WNT9A: variants seen among roughly 807,000 people sequenced by gnomAD.
WNT9A encodes protein Wnt-9a.
A neutral mutation model predicts 31.4 loss-of-function variants in WNT9A; 8 were observed. The observed-to-expected ratio is 0.26, with a 90% CI of 0.15 to 0.46. The LOEUF (loss-of-function observed/expected upper bound fraction) is 0.46, where lower values mean the gene tolerates loss of function less well. WNT9A is among the 20% of genes least tolerant of loss of function. WNT9A has a pLI of 0.99. For missense variants in WNT9A, 457 were observed against 522.9 expected, an observed-to-expected ratio of 0.87 and a Z score of 1.23; for synonymous variants, 236 against 220.1, an observed-to-expected ratio of 1.07 and a Z score of -0.64.
intron 1 of WNT9A, among the ~76,000 whole-genome samples, chr1:227,936,860 G>C (rs553620689): frequency 2.0e-5 from 3 of 152,216 alleles, no homozygotes; most frequent in East Asian, 1.9e-4. Flanking sequence ...GAAGACACTG[G>C]GCTTCTGGAA....
chr1:227,932,347 T>C (rs187122919), intron 1 of WNT9A, among the ~76,000 whole-genome samples: 100 of 152,316 alleles, frequency 6.6e-4, no homozygotes, highest in African/African-American at 2.2e-3. Flanking sequence ...CTGCAGCAAT[T>C]CGGTCCCATT....
Position 227,924,262 on chromosome 1 carries a change from T to C in WNT9A, c.491A>G (p.Gln164Arg), listed in dbSNP as rs1666377434. Residue 164 changes from glutamine to arginine, a missense_variant, in exon 3 of 4, where the codon CAG (glutamine) becomes CGG (arginine). Gln to Arg is a conservative substitution (Grantham distance 43). Transcript: ENST00000272164. ...APDLENREAW[Q>R]WGGCGDNLKY... ...AAGGTTGTCTCCGCAGCCCCCCCAC[T>C]GCCAGGCCTCACGGTTCTCCAGGTC... 1 of 1,613,834 alleles carries C rather than the reference T, an allele frequency of 6.2e-7. No individual in the cohort carries two copies.
Position 227,920,965 on chromosome 1 carries a change from C to T in WNT9A, c.*553G>A, listed in dbSNP as rs747645132. The T allele has an allele frequency of 6.5e-6, 1 of 153,072 alleles. No individual in the cohort carries two copies. Among genetic ancestry groups the T allele is most frequent in the Non-Finnish European group, 1.5e-5 (1 of 68,730 alleles). The allele number at this position is 153,072 out of a possible 1,614,324, so 9.5% of individuals were successfully genotyped here. ...AGCCAACCCAGAGGACCCCCGGCAC[C>T]CTGCTCCAGCTGTACGCCCCGACGT... On this transcript the variant is annotated 3_prime_UTR_variant, in exon 4 of 4. Transcript: ENST00000272164.
chr1:227,925,561 C>T lies in WNT9A; in HGVS notation c.96-42G>A, dbSNP rs1666408124. The T allele has an allele frequency of 1.4e-6, 2 of 1,459,432 alleles. No homozygotes were observed. The highest frequency in any genetic ancestry group is 2.4e-5 in the Admixed American group (1 of 41,930). 90.4% of individuals were successfully genotyped at this position (1,459,432 alleles called of 1,614,324 possible). The stretch of plus-strand genomic sequence containing the variant: ...CAGCATGAGCCCGGCCCCAGGAAGC[C>T]CTGCTGGAGCCTGGCCAGGTGTCTC... On this transcript the variant is annotated intron_variant, in intron 1 of 3. Coordinates refer to ENST00000272164, the MANE Select transcript of WNT9A (RefSeq NM_003395.4). The surrounding 1 kb of genome is among the most constrained non-coding windows in gnomAD (Gnocchi z 6.0).
At chr1:227,934,975 CAT>C (rs2102725415) in intron 1 of WNT9A, among the ~76,000 whole-genome samples, 1 of 150,690 alleles carries the variant, frequency 6.6e-6, no homozygotes, top group East Asian at 2.0e-4. Flanking sequence ...CAGTTCACCA[CAT>C]AGAGCCTGAG....
At chr1:227,943,334 G>A (rs1666744976) in intron 1 of WNT9A, among the ~76,000 whole-genome samples, 1 of 152,216 alleles carries the variant, frequency 6.6e-6, no homozygotes, top group South Asian at 2.1e-4. Context: ...CAGGTCTAGA[G>A]ACAAGGTTCT....
intron 1 of WNT9A, among the ~76,000 whole-genome samples, chr1:227,931,604 AG>A (rs1401224492): frequency 6.6e-6 from 1 of 152,254 alleles, no homozygotes; most frequent in Non-Finnish European, 1.5e-5. Flanking sequence ...AATAAAGAAA[AG>A]GTCAGAAAAA....
intron 1 of WNT9A, among the ~76,000 whole-genome samples, chr1:227,935,471 CCTT>C (rs1024687416): frequency 3.4e-4 from 52 of 152,334 alleles, no homozygotes; most frequent in African/African-American, 1.2e-3. Flanking sequence ...GCCCTCTCCT[CCTT>C]CTTCTCTCGA....
intron 1 of WNT9A, among the ~76,000 whole-genome samples, chr1:227,945,836 T>C (rs1666785899): frequency 6.6e-6 from 1 of 151,950 alleles, no homozygotes; most frequent in Admixed American, 6.6e-5. Flanking sequence ...CCTTGGGAAC[T>C]GACTTACAGG....
Position 227,921,106 on chromosome 1 carries a change from CT to C in WNT9A, c.*411del. 4.7e-6 allele frequency: 1 copy of C among 212,680 alleles called. No homozygotes were observed. The highest frequency in any genetic ancestry group is 9.5e-6 in the Non-Finnish European group (1 of 105,208). 13.2% of individuals were successfully genotyped at this position (212,680 alleles called of 1,614,324 possible). On this transcript the variant is annotated 3_prime_UTR_variant, in exon 4 of 4. Coordinates refer to ENST00000272164, the MANE Select transcript of WNT9A (RefSeq NM_003395.4). ...GGACTCGTCCCTTGCAGGTGTAGAC[CT>C]TCTCACACCATGTGCAATGCCTGCA...
chr1:227,924,103 C>CCT, intron 3 of WNT9A, 35 bp downstream of exon 3: 1 of 1,319,834 alleles, frequency 7.6e-7, no homozygotes. Context: ...CTTTCTGACC[C>CCT]TCCCTTCCCA....
At chr1:227,943,215 A>T (rs1666736404) in intron 1 of WNT9A, among the ~76,000 whole-genome samples, 1 of 152,114 alleles carries the variant, frequency 6.6e-6, no homozygotes, top group Non-Finnish European at 1.5e-5. Context: ...GAACTGCCCC[A>T]CACCAGGCTC....
chr1:227,925,554 A>C lies in WNT9A; in HGVS notation c.96-35T>G. 1 of 1,469,878 alleles carries C rather than the reference A, an allele frequency of 6.8e-7. No individual in the cohort carries two copies. Among genetic ancestry groups the C allele is most frequent in the Non-Finnish European group, 9.0e-7 (1 of 1,112,460 alleles). 91.1% of individuals were successfully genotyped at this position (1,469,878 alleles called of 1,614,324 possible). The stretch of plus-strand genomic sequence containing the variant: ...GAGAGGCCAGCATGAGCCCGGCCCC[A>C]GGAAGCCCTGCTGGAGCCTGGCCAG... On this transcript the variant is annotated intron_variant, in intron 1 of 3. Coordinates refer to ENST00000272164, the MANE Select transcript of WNT9A (RefSeq NM_003395.4). The surrounding 1 kb of genome is among the most constrained non-coding windows in gnomAD (Gnocchi z 6.0).
intron 2 of WNT9A, 98 bp from the exon 3 acceptor site, chr1:227,924,498 T>C: frequency 6.8e-7 from 1 of 1,471,780 alleles, no homozygotes; most frequent in Non-Finnish European, 9.1e-7. Context: ...AATCCCATGT[T>C]GGGGCTCAGA....
In WNT9A at chr1:227,921,216, T is replaced by G; in HGVS notation, c.*302A>C. 1.9e-5 allele frequency: 7 copies of G among 362,482 alleles called. No homozygotes were observed. Among genetic ancestry groups the G allele is most frequent in the East Asian group, 5.4e-5 (1 of 18,450 alleles). 22.5% of individuals were successfully genotyped at this position (362,482 alleles called of 1,614,324 possible). ...CACACCGTGTGCAATGCCTGTGCCATGTGCAGCAGGGCTGACTGGGCCCAG... is the reference window on the plus strand; with the variant it reads ...CACACCGTGTGCAATGCCTGTGCCAGGTGCAGCAGGGCTGACTGGGCCCAG... On this transcript the variant is annotated 3_prime_UTR_variant, in exon 4 of 4. Coordinates refer to ENST00000272164, the MANE Select transcript of WNT9A (RefSeq NM_003395.4).
In WNT9A at chr1:227,928,285, C is replaced by T. The variant is rs1388845868; in HGVS notation, c.96-2766G>A. On this transcript the variant is annotated intron_variant, in intron 1 of 3. Transcript: ENST00000272164. This position sits in a 1 kb window ranked among gnomAD's most constrained non-coding sequence, Gnocchi z 4.5. ...CCCCAGGACACCCCTCTATCAGAGG[C>T]AACTCCCTAAACGCAGCTACGGGTG... 2.1e-5 allele frequency among the ~76,000 whole-genome samples: 3 copies of T among 145,996 alleles called. No homozygotes were observed. The highest frequency in any genetic ancestry group is 2.4e-4 in the South Asian group (1 of 4,214).
Position 227,942,771 on chromosome 1 carries a change from A to G in WNT9A, c.95+5022T>C, listed in dbSNP as rs1666728662. Among the ~76,000 whole-genome samples, 1 of 152,136 alleles carries G rather than the reference A, an allele frequency of 6.6e-6. No individual in the cohort carries two copies. The highest frequency in any genetic ancestry group is 2.1e-4 in the South Asian group (1 of 4,830). ...TTGTTGGAGGGGGTGGGTCTCCAGG[A>G]CAGTGCCTGCCCAAACCTAAGCCTG... On this transcript the variant is annotated intron_variant, in intron 1 of 3. Coordinates refer to ENST00000272164, the MANE Select transcript of WNT9A (RefSeq NM_003395.4). This position sits in a 1 kb window ranked among gnomAD's most constrained non-coding sequence, Gnocchi z 5.7.
At chr1:227,944,783 C>T (rs1666768843) in intron 1 of WNT9A, among the ~76,000 whole-genome samples, 1 of 150,972 alleles carries the variant, frequency 6.6e-6, no homozygotes, top group African/African-American at 2.4e-5. Flanking sequence ...CACCATCGTG[C>T]CCCCGCAAAG....
Position 227,933,726 on chromosome 1 carries a change from A to G in WNT9A, c.96-8207T>C, listed in dbSNP as rs76709720. ...GGCTGCTACTAATCCTTGACATGCA[A>G]TGGCACCACAGAGCCAAGCACAGTG... On this transcript the variant is annotated intron_variant, in intron 1 of 3. Transcript: ENST00000272164. Among the ~76,000 whole-genome samples the G allele has an allele frequency of 2.3e-3, 348 of 152,258 alleles. 10 individuals are homozygous for G. In the East Asian group the frequency reaches 0.058, roughly 26 times the overall value.
Sources: gnomAD v4.1 joint callset for allele counts (sites outside exome capture counted in the v4.1 genomes callset) on GRCh38, gnomAD v4.1.1 for gene constraint, Gnocchi (gnomAD v3.1) non-coding constraint, MANE v1.5 for transcripts, NCBI Gene and HGNC (gene_info 2026-07-23, HGNC 2026-07-21) for gene names.